PLCL1: variants seen among roughly 807,000 people sequenced by gnomAD.
PLCL1 encodes inactive phospholipase C-like protein 1.
A neutral mutation model predicts 84.4 loss-of-function variants in PLCL1; 41 were observed. That is an observed-to-expected ratio of 0.49 (90% CI 0.38 to 0.63). PLCL1 has a LOEUF of 0.63. Among genes scored for constraint, PLCL1 ranks in the 30% least tolerant of loss-of-function variants. PLCL1 has a pLI of 0.00. For synonymous variants in PLCL1, 490 were observed against 488.3 expected, an observed-to-expected ratio of 1.00 and a Z score of -0.05; for missense variants, 1,206 against 1,367.8, an observed-to-expected ratio of 0.88 and a Z score of 1.87.
chr2:197,898,416 C>T (rs1297209449), intron 1 of PLCL1, among the ~76,000 whole-genome samples: 1 of 152,142 alleles, frequency 6.6e-6, no homozygotes, highest in Non-Finnish European at 1.5e-5. Context: ...GAACTTATAG[C>T]TTGTCATTCT....
rs193129447 is a variant in PLCL1 at position 197,939,277 on chromosome 2, C to T, written c.240+133938C>T. Among the ~76,000 whole-genome samples the T allele has an allele frequency of 5.1e-3, 771 of 152,266 alleles. 3 individuals are homozygous for T. The highest frequency in any genetic ancestry group is 8.2e-3 in the Non-Finnish European group (559 of 68,012). The stretch of plus-strand genomic sequence containing the variant: ...TTTTAGGATACCTACAGCAGTGTCT[C>T]TTAACCCTGAATGCACATTAGAATG... On this transcript the variant is annotated intron_variant, in intron 1 of 5. Transcript: ENST00000428675.
At chr2:198,108,333 C>A (rs1012384171) in intron 5 of PLCL1, among the ~76,000 whole-genome samples, 9 of 151,752 alleles carry the variant, frequency 5.9e-5, no homozygotes, top group African/African-American at 1.9e-4. Flanking sequence ...ACTAGTATTC[C>A]CTACTATCTA....
chr2:197,817,647 G>A (rs769010289), intron 1 of PLCL1, among the ~76,000 whole-genome samples: 13 of 152,004 alleles, frequency 8.6e-5, no homozygotes, highest in Non-Finnish European at 1.5e-4. Flanking sequence ...CAGAGACATC[G>A]TCATCAAAGT....
chr2:197,847,924 G>C (rs1297151972), intron 1 of PLCL1, among the ~76,000 whole-genome samples: 1 of 152,156 alleles, frequency 6.6e-6, no homozygotes, highest in African/African-American at 2.4e-5. Flanking sequence ...ACAGTTGCTA[G>C]GTAGCTTGAG....
intron 1 of PLCL1, among the ~76,000 whole-genome samples, chr2:198,037,819 A>G (rs1377455879): frequency 6.6e-6 from 1 of 152,202 alleles, no homozygotes; most frequent in Non-Finnish European, 1.5e-5. Context: ...AAGTTTTGGA[A>G]AGACTCTAGA....
At chr2:197,817,257 C>T (rs1451602205) in intron 1 of PLCL1, among the ~76,000 whole-genome samples, 4 of 152,046 alleles carry the variant, frequency 2.6e-5, no homozygotes, top group Admixed American at 2.6e-4. Context: ...AGGGTTCTCC[C>T]AAGCATTTGA....
chr2:197,994,433 T>C (rs1690414833), intron 1 of PLCL1, among the ~76,000 whole-genome samples: 1 of 152,172 alleles, frequency 6.6e-6, no homozygotes, highest in Non-Finnish European at 1.5e-5. Context: ...TTGGTAAATA[T>C]AAACACATTT....
chr2:198,071,291 G>T (rs960961177), intron 1 of PLCL1, among the ~76,000 whole-genome samples: 1 of 151,876 alleles, frequency 6.6e-6, no homozygotes. Flanking sequence ...CAGCAGCATG[G>T]CAGTGAACCA....
At chr2:197,825,886 C>T (rs72918835) in intron 1 of PLCL1, among the ~76,000 whole-genome samples, 12,169 of 152,272 alleles carry the variant, frequency 0.08, 654 homozygotes, top group Non-Finnish European at 0.12. Context: ...TGCAATATAT[C>T]TGTTATATAT....
At chr2:198,143,097 G>A (rs1210624439) in intron 5 of PLCL1, among the ~76,000 whole-genome samples, 1 of 152,062 alleles carries the variant, frequency 6.6e-6, no homozygotes, top group Non-Finnish European at 1.5e-5. Context: ...AGAATGACTT[G>A]TTAGGTTACT....
chr2:198,036,976 C>A (rs1691565150), intron 1 of PLCL1, among the ~76,000 whole-genome samples: 1 of 152,136 alleles, frequency 6.6e-6, no homozygotes, highest in South Asian at 2.1e-4. Context: ...CTTCTTAAAT[C>A]AACAGGTGGA....
At chr2:198,087,659 A>C (rs1283191200) in intron 2 of PLCL1, among the ~76,000 whole-genome samples, 2 of 151,676 alleles carry the variant, frequency 1.3e-5, no homozygotes, top group African/African-American at 4.8e-5. Context: ...ATAACTGTAC[A>C]TTTTAGAGTA....
At position 197,805,360 on chromosome 2, in the gene PLCL1, C is replaced by G; in HGVS notation, c.240+21C>G. The G allele has an allele frequency of 7.5e-7, 1 of 1,338,492 alleles. No individual in the cohort carries two copies. The highest frequency in any genetic ancestry group is 9.5e-7 in the Non-Finnish European group (1 of 1,050,372). The allele number at this position is 1,338,492 out of a possible 1,614,324, so 82.9% of individuals were successfully genotyped here. A position where few individuals can be genotyped will look rare whatever the true frequency, so the allele number is the denominator to read the frequency against. On this transcript the variant is annotated intron_variant, in intron 1 of 5. Transcript: ENST00000428675. The surrounding 1 kb of genome is among the most constrained non-coding windows in gnomAD (Gnocchi z 4.0). The stretch of plus-strand genomic sequence containing the variant: ...TCAAGGTAAGCAAAGCCGCGCCGCA[C>G]CGGGAGCGTGGCTGTGGGTGATGGG...
intron 5 of PLCL1, among the ~76,000 whole-genome samples, chr2:198,127,956 T>G (rs1481297459): frequency 1.3e-5 from 2 of 152,162 alleles, no homozygotes; most frequent in African/African-American, 4.8e-5. Flanking sequence ...TTTATTTTGC[T>G]GAGTAAATTT....
chr2:198,096,401 G>A (rs1019548597), intron 3 of PLCL1, among the ~76,000 whole-genome samples: 2 of 152,090 alleles, frequency 1.3e-5, no homozygotes, highest in Non-Finnish European at 2.9e-5. Context: ...TTAGATGGCC[G>A]AGCTTTTCCT....
chr2:197,877,828 G>A (rs1263972175), intron 1 of PLCL1, among the ~76,000 whole-genome samples: 2 of 152,144 alleles, frequency 1.3e-5, no homozygotes, highest in Non-Finnish European at 2.9e-5. Flanking sequence ...GTTCTCAAAT[G>A]AGGGCCTTTG....
intron 1 of PLCL1, among the ~76,000 whole-genome samples, chr2:197,936,401 T>A (rs149390983): frequency 1.3e-5 from 2 of 152,338 alleles, no homozygotes; most frequent in African/African-American, 4.8e-5. Context: ...CCTTTCCTTT[T>A]TTCCGCATAT....
chr2:197,909,053 A>G (rs929714498), intron 1 of PLCL1, among the ~76,000 whole-genome samples: 12 of 152,240 alleles, frequency 7.9e-5, no homozygotes, highest in African/African-American at 2.9e-4. Flanking sequence ...TTAATCTTCA[A>G]GGATAAATGC....
rs1687614212 is a variant in PLCL1, at chr2:197,869,709, T to C, written c.240+64370T>C. Among the ~76,000 whole-genome samples, 3 of 152,194 alleles carry C rather than the reference T, an allele frequency of 2.0e-5. No individual in the cohort carries two copies. The South Asian group carries it at 6.2e-4, about 31-fold the overall frequency. ...CAGAGAGCAAAACAATGGGGACAGATGTGACTGAAAGAAGTTTTGATGTTA... is the reference window on the plus strand; with the variant it reads ...CAGAGAGCAAAACAATGGGGACAGACGTGACTGAAAGAAGTTTTGATGTTA... On this transcript the variant is annotated intron_variant, in intron 1 of 5. Transcript: ENST00000428675.
Sources: allele counts gnomAD v4.1 joint callset (sites outside exome capture counted in the v4.1 genomes callset), GRCh38; gene constraint gnomAD v4.1.1; non-coding constraint Gnocchi (gnomAD v3.1); transcripts MANE v1.5; gene names NCBI Gene and HGNC (gene_info 2026-07-23, HGNC 2026-07-21).